Variants in WDPCP observed in about 807,000 individuals in gnomAD.
WDPCP encodes the protein WD repeat containing planar cell polarity effector, also known as WD repeat-containing and planar cell polarity effector protein fritz homolog.
WDPCP carries 71 observed loss-of-function variants against 93.1 expected under a neutral mutation model. The ratio of observed to expected loss-of-function variants is 0.76; its 90% confidence interval spans 0.63 to 0.93. WDPCP has a LOEUF of 0.93. Ranked by LOEUF, WDPCP falls within the 40% of genes least tolerant of loss-of-function variation. WDPCP has a pLI of 0.00. For synonymous variants in WDPCP, 315 were observed against 315.0 expected (o/e 1.00, Z 0.00); for missense variants, 844 against 887.4 (o/e 0.95, Z 0.62).
chr2:63,411,486 C>A (rs1695019202), intron 9 of WDPCP, among the ~76,000 whole-genome samples: 1 of 152,056 alleles, frequency 6.6e-6, no homozygotes, highest in African/African-American at 2.4e-5. Flanking sequence ...GAAACAAGAA[C>A]AAACCAAACC....
At chr2:63,701,131 T>C (rs2103706229) in intron 2 of WDPCP, among the ~76,000 whole-genome samples, 1 of 152,280 alleles carries the variant, frequency 6.6e-6, no homozygotes, top group Non-Finnish European at 1.5e-5. Flanking sequence ...AACCAGGATA[T>C]ATAAGGAGCT....
intron 12 of WDPCP, among the ~76,000 whole-genome samples, chr2:63,373,124 AAAAC>A (rs750910108): frequency 5.9e-5 from 9 of 152,282 alleles, no homozygotes; most frequent in Non-Finnish European, 7.4e-5. Context: ...ACGCCATATC[AAAAC>A]AAACAAACAA....
At chr2:63,532,240 T>A (rs545754326) in intron 1 of WDPCP, among the ~76,000 whole-genome samples, 2 of 152,268 alleles carry the variant, frequency 1.3e-5, no homozygotes, top group South Asian at 4.2e-4. Flanking sequence ...GTCTGATTGG[T>A]GTACCTGAAA....
chr2:63,485,379 TATC>T (rs1700512231), intron 4 of WDPCP, among the ~76,000 whole-genome samples: 5 of 149,006 alleles, frequency 3.4e-5, no homozygotes, highest in African/African-American at 1.2e-4. Context: ...AAAAAAAAAT[TATC>T]ATGAGTAAAT....
chr2:63,708,216 C>A (rs1191219806), intron 2 of WDPCP, among the ~76,000 whole-genome samples: 2 of 152,178 alleles, frequency 1.3e-5, no homozygotes, highest in Admixed American at 1.3e-4. Flanking sequence ...CTGTGCCCTG[C>A]CCCCAGAGGT....
At chr2:63,188,401 T>G (rs1026929586) in intron 14 of WDPCP, among the ~76,000 whole-genome samples, 38 of 152,084 alleles carry the variant, frequency 2.5e-4, no homozygotes, top group African/African-American at 7.0e-4. Flanking sequence ...CCAAATGTGC[T>G]AACTTCAAGA....
intron 13 of WDPCP, among the ~76,000 whole-genome samples, chr2:63,301,429 C>G (rs1026402003): frequency 6.6e-6 from 1 of 152,194 alleles, no homozygotes; most frequent in Non-Finnish European, 1.5e-5. Context: ...CGCTTCAGCA[C>G]AGGCCATAAT....
intron 10 of WDPCP, among the ~76,000 whole-genome samples, chr2:63,396,201 A>C (rs1228678747): frequency 1.3e-5 from 2 of 152,214 alleles, no homozygotes; most frequent in African/African-American, 4.8e-5. Flanking sequence ...CATCTAACAA[A>C]GTGTCTAGCA....
At chr2:63,266,692 G>A (rs1378769595) in intron 13 of WDPCP, among the ~76,000 whole-genome samples, 1 of 152,124 alleles carries the variant, frequency 6.6e-6, no homozygotes, top group Non-Finnish European at 1.5e-5. Context: ...TGTAATCCCA[G>A]CTACTCAGGA....
intron 13 of WDPCP, among the ~76,000 whole-genome samples, chr2:63,289,826 A>G (rs1684270404): frequency 6.6e-6 from 1 of 151,942 alleles, no homozygotes; most frequent in Non-Finnish European, 1.5e-5. Flanking sequence ...CTGCCTGATT[A>G]AACTTTTGTC....
chr2:63,254,189 A>T (rs1462265194), intron 14 of WDPCP, among the ~76,000 whole-genome samples: 1 of 152,156 alleles, frequency 6.6e-6, no homozygotes, highest in Non-Finnish European at 1.5e-5. Context: ...TTAGGTACAC[A>T]TGGACATAAA....
At position 63,734,870 on chromosome 2, in the gene WDPCP, T is replaced by TAGACAGACAGAC. The variant is rs10586648; in HGVS notation, n.308+78740_308+78751dup. Among the ~76,000 whole-genome samples the TAGACAGACAGAC allele has an allele frequency of 1.4e-3, 195 of 141,438 alleles. 1 individual carries two copies. The highest frequency in any genetic ancestry group is 2.3e-3 in the Non-Finnish European group (146 of 64,454). 92.8% of individuals were successfully genotyped at this position (141,438 alleles called of 152,430 possible). ...GGATAGATAGATGGAGATAGATAGA[T>TAGACAGACAGAC]AGACAGACAGACAGACAGACAGACA... On this transcript the variant is annotated intron_variant and non_coding_transcript_variant, in intron 2 of 4. Coordinates refer to the WDPCP transcript ENST00000467687.
chr2:63,706,734 A>G (rs1669161151), intron 2 of WDPCP, among the ~76,000 whole-genome samples: 1 of 146,154 alleles, frequency 6.8e-6, no homozygotes, highest in Admixed American at 7.1e-5. Context: ...CTCCTGCCTC[A>G]GCCTCCCGAG....
intron 12 of WDPCP, among the ~76,000 whole-genome samples, chr2:63,351,209 T>A (rs1689586099): frequency 6.6e-6 from 1 of 152,160 alleles, no homozygotes; most frequent in African/African-American, 2.4e-5. Context: ...CTTGAACTCC[T>A]GACCTCAAGT....
chr2:63,440,536 A>C (rs1252161456), intron 6 of WDPCP: 1 of 152,254 alleles, frequency 6.6e-6, no homozygotes, highest in Non-Finnish European at 1.5e-5. Flanking sequence ...TCACAAAACC[A>C]CTCAACAAAA....
chr2:63,589,092 C>G (rs1434649798), upstream of WDPCP: 1 of 1,614,170 alleles, frequency 6.2e-7, no homozygotes, highest in African/African-American at 1.3e-5. Context: ...CCCTCGCGCC[C>G]TTGAGTGGGG....
chr2:63,191,946 G>A (rs1051772463), intron 14 of WDPCP, among the ~76,000 whole-genome samples: 5 of 152,204 alleles, frequency 3.3e-5, no homozygotes, highest in Admixed American at 3.3e-4. Flanking sequence ...TAGTGTCGGA[G>A]TTGAGTAGTT....
chr2:63,788,846 C>T (rs1168977435), intron 2 of WDPCP, among the ~76,000 whole-genome samples: 1 of 152,158 alleles, frequency 6.6e-6, no homozygotes, highest in Admixed American at 6.6e-5. Context: ...TCACCTTCTG[C>T]TCCTGGCATT....
At chr2:63,420,384 A>G (rs1558609500) in intron 9 of WDPCP, among the ~76,000 whole-genome samples, 1 of 151,312 alleles carries the variant, frequency 6.6e-6, no homozygotes, top group Non-Finnish European at 1.5e-5. Flanking sequence ...AAACAGAAAA[A>G]TTAGCCGGCT....
Sources: allele counts gnomAD v4.1 joint callset (sites outside exome capture counted in the v4.1 genomes callset), GRCh38; gene constraint gnomAD v4.1.1; transcripts MANE v1.5; gene names NCBI Gene and HGNC (gene_info 2026-07-23, HGNC 2026-07-21).